The following PLD5 variants were observed in gnomAD, a reference collection of about 807,000 sequenced individuals.
PLD5 encodes the protein inactive phospholipase D5.
Under a neutral mutation model 61.1 loss-of-function variants are expected in PLD5, and 36 were observed. That is an observed-to-expected ratio of 0.59 (90% confidence interval 0.45 to 0.78). The LOEUF is 0.78. Ranked by LOEUF, PLD5 falls within the 30% of genes least tolerant of loss-of-function variation. The pLI is 0.00. For missense variants in PLD5, 515 were observed against 644.4 expected (o/e 0.80, Z 2.17); for synonymous variants, 243 against 242.8 (o/e 1.00, Z -0.01).
intron 2 of PLD5, among the ~76,000 whole-genome samples, chr1:242,346,166 G>C (rs1486314964): frequency 6.7e-6 from 1 of 149,854 alleles, no homozygotes; most frequent in Non-Finnish European, 1.5e-5. Flanking sequence ...GGGAGAAGTA[G>C]AATTAAGTCA....
rs567997362 is a variant in PLD5 at position 242,514,598 on chromosome 1, G to C, written c.189+9490C>G. On this transcript the variant is annotated intron_variant, in intron 1 of 9. Transcript: ENST00000536534. Reference sequence around the variant, plus strand: ...CCGCCCAAGACCTAAAATAAAAGTTGAAAAAAGTCAAAAAGAAAAAAAAAA... The same window carrying C: ...CCGCCCAAGACCTAAAATAAAAGTTCAAAAAAGTCAAAAAGAAAAAAAAAA... Among the ~76,000 whole-genome samples, 60 of 149,994 alleles carry C rather than the reference G, an allele frequency of 4.0e-4. 1 individual carries two copies. Among genetic ancestry groups the C allele is most frequent in the African/African-American group, 1.3e-3 (54 of 40,846 alleles).
intron 1 of PLD5, among the ~76,000 whole-genome samples, chr1:242,349,049 A>T (rs562881172): frequency 3.3e-5 from 5 of 152,156 alleles, no homozygotes; most frequent in Non-Finnish European, 7.4e-5. Context: ...GCGAGACTCC[A>T]TCTCAAACAA....
At position 242,370,340 on chromosome 1, in the gene PLD5, C is replaced by T. The variant is rs71535386; in HGVS notation, c.190-22098G>A. On this transcript the variant is annotated intron_variant, in intron 1 of 9. Coordinates refer to ENST00000536534, the MANE Select transcript of PLD5 (RefSeq NM_001372062.1). ...ATCTAACACTTGTTATGATGCACTG[C>T]GCTTATAATACTGACAATTCAGAAA... Among the ~76,000 whole-genome samples the T allele has an allele frequency of 9.1e-3, 1,393 of 152,244 alleles. 10 individuals are homozygous for T. The highest frequency in any genetic ancestry group is 0.012 in the Non-Finnish European group (839 of 68,018).
intron 5 of PLD5, among the ~76,000 whole-genome samples, chr1:242,180,810 G>C (rs959122372): frequency 2.6e-5 from 4 of 152,074 alleles, no homozygotes; most frequent in African/African-American, 9.7e-5. Context: ...GGGAGACCCT[G>C]TCTCTACAAA....
chr1:242,091,221 A>C (rs1386111121), intron 9 of PLD5, among the ~76,000 whole-genome samples: 2 of 152,200 alleles, frequency 1.3e-5, no homozygotes, highest in African/African-American at 4.8e-5. Context: ...ATAGAGTTAC[A>C]TTCTGAGGTA....
At chr1:242,092,173 C>T (rs1574276611) in intron 9 of PLD5, among the ~76,000 whole-genome samples, 1 of 152,174 alleles carries the variant, frequency 6.6e-6, no homozygotes, top group South Asian at 2.1e-4. Flanking sequence ...GTTGCCCAGG[C>T]TAGAGTGCAG....
At chr1:242,209,375 G>A (rs1669648366) in intron 5 of PLD5, 1 of 152,172 alleles carries the variant, frequency 6.6e-6, no homozygotes, top group African/African-American at 2.4e-5. Context: ...CGTGCACTGT[G>A]CCTTATTGCA....
intron 6 of PLD5, among the ~76,000 whole-genome samples, chr1:242,124,258 G>T (rs144744649): frequency 5.3e-4 from 81 of 152,246 alleles, no homozygotes; most frequent in African/African-American, 1.9e-3. Flanking sequence ...ATAACTCAAG[G>T]TATCTGACAC....
In PLD5 at chr1:242,394,823, CAT is replaced by C. The variant is rs1234072377; in HGVS notation, c.190-46583_190-46582del. Among the ~76,000 whole-genome samples, 18 of 104,468 alleles carry C rather than the reference CAT, an allele frequency of 1.7e-4. 2 individuals are homozygous for C. The highest frequency in any genetic ancestry group is 3.1e-4 in the Non-Finnish European group (17 of 54,142). 68.5% of individuals were successfully genotyped at this position (104,468 alleles called of 152,430 possible). A position where few individuals can be genotyped will look rare whatever the true frequency, so the allele number is the denominator to read the frequency against. On this transcript the variant is annotated intron_variant, in intron 1 of 9. Transcript: ENST00000536534. ...ATGTGTATATATGTGAATATATATA[CAT>C]ATATGTGAATATATATACATATGTG...
At chr1:242,178,073 T>G (rs923386761) in intron 5 of PLD5, among the ~76,000 whole-genome samples, 5 of 152,222 alleles carry the variant, frequency 3.3e-5, no homozygotes, top group African/African-American at 1.2e-4. Flanking sequence ...ATGTACACAT[T>G]CCCTGAGCTA....
chr1:242,186,577 A>G (rs1442174004), intron 5 of PLD5, among the ~76,000 whole-genome samples: 1 of 152,208 alleles, frequency 6.6e-6, no homozygotes, highest in Non-Finnish European at 1.5e-5. Flanking sequence ...GAAACTATGC[A>G]GTTAAAACAA....
chr1:242,332,526 C>T (rs191835213), intron 2 of PLD5, among the ~76,000 whole-genome samples: 54 of 152,290 alleles, frequency 3.5e-4, no homozygotes, highest in African/African-American at 1.2e-3. Flanking sequence ...CCTATTTCTC[C>T]GCATCCTCTC....
intron 8 of PLD5, among the ~76,000 whole-genome samples, chr1:242,104,116 A>G (rs551596802): frequency 1.3e-5 from 2 of 151,388 alleles, no homozygotes; most frequent in East Asian, 1.9e-4. Flanking sequence ...CAGATGCAGT[A>G]TATGATGTTT....
chr1:242,348,369 G>A (rs879240986), intron 1 of PLD5, 127 bp from the exon 2 acceptor site: 2 of 1,052,246 alleles, frequency 1.9e-6, no homozygotes, highest in Non-Finnish European at 2.7e-6. Context: ...GCCTAGAAGG[G>A]AAATCTATTC....
intron 1 of PLD5, among the ~76,000 whole-genome samples, chr1:242,420,331 G>T (rs111394324): frequency 1.8e-4 from 28 of 152,198 alleles, no homozygotes; most frequent in African/African-American, 6.7e-4. Context: ...CAATCAACAT[G>T]TTCCATCTCC....
intron 4 of PLD5, among the ~76,000 whole-genome samples, chr1:242,253,963 G>T (rs1225155844): frequency 1.3e-4 from 20 of 152,172 alleles, no homozygotes; most frequent in Non-Finnish European, 2.5e-4. Context: ...AAACACAGAT[G>T]GGGAGTCACT....
chr1:242,217,626 A>G (rs1341139397), intron 5 of PLD5, among the ~76,000 whole-genome samples: 2 of 152,206 alleles, frequency 1.3e-5, no homozygotes, highest in African/African-American at 4.8e-5. Context: ...CTCCATCTCA[A>G]AAAAAGAACA....
At chr1:242,172,908 A>T (rs933519481) in intron 5 of PLD5, among the ~76,000 whole-genome samples, 4 of 152,200 alleles carry the variant, frequency 2.6e-5, no homozygotes, top group African/African-American at 4.8e-5. Flanking sequence ...CAAAAAAAAA[A>T]GTCCAGGACC....
At chr1:242,298,480 C>A (rs1299053030) in intron 2 of PLD5, among the ~76,000 whole-genome samples, 4 of 152,174 alleles carry the variant, frequency 2.6e-5, no homozygotes, top group African/African-American at 9.7e-5. Context: ...AGAGAGAATG[C>A]CACTGAGCTG....
Sources: gnomAD v4.1 joint callset for allele counts (sites outside exome capture counted in the v4.1 genomes callset) on GRCh38, gnomAD v4.1.1 for gene constraint, MANE v1.5 for transcripts, NCBI Gene and HGNC (gene_info 2026-07-23, HGNC 2026-07-21) for gene names.